ZC3H3: variants seen among roughly 807,000 people sequenced by gnomAD.
The protein encoded by ZC3H3 is zinc finger CCCH-type containing 3, also known as zinc finger CCCH domain-containing protein 3.
In ZC3H3, 36 loss-of-function variants were observed where a neutral mutation model predicts 77.3. The ratio of observed to expected loss-of-function variants is 0.47; its 90% confidence interval spans 0.36 to 0.61. ZC3H3 has a LOEUF of 0.61. Ranked by LOEUF, ZC3H3 falls within the 20% of genes least tolerant of loss-of-function variation. The probability of loss-of-function intolerance (pLI) is 0.00; values close to 1 mark genes in which losing one functional copy is unlikely to be tolerated. For missense variants in ZC3H3, 1,331 were observed against 1,312.2 expected (o/e 1.01, Z -0.22); for synonymous variants, 626 against 555.2 (o/e 1.13, Z -1.79).
chr8:143,529,944 C>T (rs1024421382), intron 3 of ZC3H3, among the ~76,000 whole-genome samples: 7 of 152,352 alleles, frequency 4.6e-5, no homozygotes, highest in East Asian at 1.9e-4. Context: ...CCAAGACCCA[C>T]GCCTGCCCTT....
chr8:143,495,536 T>G (rs2129981959), intron 4 of ZC3H3, among the ~76,000 whole-genome samples: 1 of 152,288 alleles, frequency 6.6e-6, no homozygotes, highest in East Asian at 1.9e-4. Context: ...AATGGCAACG[T>G]TCTTTATCTC....
intron 4 of ZC3H3, among the ~76,000 whole-genome samples, chr8:143,502,353 G>T (rs367850491): frequency 6.6e-6 from 1 of 152,266 alleles, no homozygotes; most frequent in Non-Finnish European, 1.5e-5. Flanking sequence ...AGACACGCGT[G>T]GGGAGCGCAG....
intron 3 of ZC3H3, among the ~76,000 whole-genome samples, chr8:143,518,970 CG>C (rs1822151941): frequency 6.6e-6 from 1 of 152,204 alleles, no homozygotes; most frequent in Non-Finnish European, 1.5e-5. Flanking sequence ...TCCCCAAGCA[CG>C]GGGTGCAGCC....
At chr8:143,439,178 G>A (rs1356044734) in intron 11 of ZC3H3, among the ~76,000 whole-genome samples, 2 of 151,952 alleles carry the variant, frequency 1.3e-5, no homozygotes. Flanking sequence ...GGCCCACCCA[G>A]ATGGAGGGAG....
At chr8:143,491,769 G>A (rs1324852929) in intron 4 of ZC3H3, among the ~76,000 whole-genome samples, 3 of 152,204 alleles carry the variant, frequency 2.0e-5, no homozygotes, top group African/African-American at 7.2e-5. Flanking sequence ...GCCGTGCAGG[G>A]CTGTGGGGCC....
intron 4 of ZC3H3, among the ~76,000 whole-genome samples, chr8:143,476,518 G>A (rs1348752444): frequency 6.6e-6 from 1 of 152,206 alleles, no homozygotes; most frequent in African/African-American, 2.4e-5. Flanking sequence ...CCTCCCTGCA[G>A]CTGCCAGCCA....
intron 5 of ZC3H3, among the ~76,000 whole-genome samples, 197 bp from the exon 6 acceptor site, chr8:143,468,856 C>T (rs575595932): frequency 6.6e-6 from 1 of 152,322 alleles, no homozygotes; most frequent in South Asian, 2.1e-4. Flanking sequence ...CCTCTGGGGA[C>T]ACAGCACCTG....
rs771556871 is a variant in ZC3H3, at chr8:143,460,761, C to T, written c.2307+4956G>A. On this transcript the variant is annotated intron_variant, in intron 9 of 11. Coordinates refer to ENST00000262577, the MANE Select transcript of ZC3H3 (RefSeq NM_015117.3). This position sits in a 1 kb window ranked among gnomAD's most constrained non-coding sequence, Gnocchi z 4.0. Reference sequence around the variant, plus strand: ...ACGTGTGAACCCTGGAAACATTATGCCGGGTGAAAGATGCCAGACACCAAA... The same window carrying T: ...ACGTGTGAACCCTGGAAACATTATGTCGGGTGAAAGATGCCAGACACCAAA... 6.6e-6 allele frequency among the ~76,000 whole-genome samples: 1 copy of T among 152,124 alleles called. No homozygotes were observed. The highest frequency in any genetic ancestry group is 1.5e-5 in the Non-Finnish European group (1 of 68,024).
At chr8:143,463,327 G>T (rs1468724699) in intron 9 of ZC3H3, among the ~76,000 whole-genome samples, 1 of 152,176 alleles carries the variant, frequency 6.6e-6, no homozygotes, top group Non-Finnish European at 1.5e-5. Flanking sequence ...GCCAGGAGCG[G>T]CTGTCCCAGA....
In ZC3H3 at chr8:143,498,053, G is replaced by A. The variant is rs569353895; in HGVS notation, c.1715+9693C>T. 9.2e-5 allele frequency among the ~76,000 whole-genome samples: 14 copies of A among 152,356 alleles called. No homozygotes were observed. In the South Asian group the frequency reaches 2.9e-3, roughly 32 times the overall value. On this transcript the variant is annotated intron_variant, in intron 4 of 11. Transcript: ENST00000262577. Reference sequence around the variant, plus strand: ...ATCAGGCCCTCAACACACACCGGGTGAGCGAATGCAAGTGAAGGAGCCAAG... The same window carrying A: ...ATCAGGCCCTCAACACACACCGGGTAAGCGAATGCAAGTGAAGGAGCCAAG...
intron 3 of ZC3H3, among the ~76,000 whole-genome samples, chr8:143,535,440 C>T (rs904795296): frequency 6.6e-6 from 1 of 152,202 alleles, no homozygotes; most frequent in African/African-American, 2.4e-5. Context: ...GACACGAGCT[C>T]GGGAAGTCAC....
intron 9 of ZC3H3, among the ~76,000 whole-genome samples, chr8:143,442,265 T>C (rs1165790911): frequency 6.6e-6 from 1 of 152,014 alleles, no homozygotes; most frequent in Non-Finnish European, 1.5e-5. Flanking sequence ...CACTCACTCA[T>C]TCATTCCTGC....
intron 9 of ZC3H3, among the ~76,000 whole-genome samples, chr8:143,447,285 C>T (rs1249253461): frequency 6.6e-6 from 1 of 152,230 alleles, no homozygotes; most frequent in Non-Finnish European, 1.5e-5. Context: ...TGCCAGCTTC[C>T]TTCCCACTGT....
chr8:143,445,447 C>T (rs968511676), intron 9 of ZC3H3, among the ~76,000 whole-genome samples: 1 of 4,262 alleles, frequency 2.3e-4, no homozygotes, highest in Admixed American at 3.7e-3. Flanking sequence ...GAGGCCAGGG[C>T]GGGAGGGTGG....
At chr8:143,527,820 G>A (rs763546005) in intron 3 of ZC3H3, among the ~76,000 whole-genome samples, 7 of 152,088 alleles carry the variant, frequency 4.6e-5, no homozygotes, top group African/African-American at 7.2e-5. Flanking sequence ...ACATCACACC[G>A]GGCCAAAGCA....
chr8:143,477,571 T>C (rs927842519), intron 4 of ZC3H3, among the ~76,000 whole-genome samples: 11 of 152,176 alleles, frequency 7.2e-5, no homozygotes, highest in Admixed American at 1.3e-4. Flanking sequence ...TACCTTCAGC[T>C]TATCCTGGCA....
Position 143,438,104 on chromosome 8 carries a change from A to G in ZC3H3, c.2816-17T>C, listed in dbSNP as rs1819632312. The G allele has an allele frequency of 6.2e-7, 1 of 1,606,744 alleles. No homozygotes were observed. Among genetic ancestry groups the G allele is most frequent in the African/African-American group, 1.3e-5 (1 of 74,956 alleles). ...GAGGCTTCCCTATGCAAAGAGGGCA[A>G]AAGTTAGGTGCCCGGAAACCCCTGG... On this transcript the variant is annotated splice_polypyrimidine_tract_variant and intron_variant, in intron 11 of 11. Coordinates refer to ENST00000262577, the MANE Select transcript of ZC3H3 (RefSeq NM_015117.3).
At position 143,539,115 on chromosome 8, in the gene ZC3H3, T is replaced by C. The variant is rs776306126; in HGVS notation, c.252A>G (p.Ser84=). 18 of 1,612,796 alleles carry C rather than the reference T, an allele frequency of 1.1e-5. No homozygotes were observed. Among genetic ancestry groups the C allele is most frequent in the Non-Finnish European group, 1.4e-5 (17 of 1,179,960 alleles). ...YSLVNRPPGP[S]DPPADHAVRP... is the part of the protein sequence containing the mutation. ...GCACAGCATGGTCGGCAGGAGGGTC[T>C]GAGGGTCCCGGGGGCCGATTCACGA... The change falls in exon 2 of 12, where the codon TCA becomes TCG. Residue 84 remains serine, a synonymous_variant. Coordinates refer to ENST00000262577, the MANE Select transcript of ZC3H3 (RefSeq NM_015117.3).
At chr8:143,449,842 G>A (rs1586876203) in intron 9 of ZC3H3, among the ~76,000 whole-genome samples, 1 of 151,604 alleles carries the variant, frequency 6.6e-6, no homozygotes, top group Non-Finnish European at 1.5e-5. Flanking sequence ...GGAACATAGT[G>A]CAGCCAACCT....
Sources: gnomAD v4.1 joint callset for allele counts (sites outside exome capture counted in the v4.1 genomes callset) on GRCh38, gnomAD v4.1.1 for gene constraint, Gnocchi (gnomAD v3.1) non-coding constraint, MANE v1.5 for transcripts, NCBI Gene and HGNC (gene_info 2026-07-23, HGNC 2026-07-21) for gene names.